RBFOX1: variants seen among roughly 807,000 people sequenced by gnomAD.
RBFOX1 encodes the protein RNA binding protein fox-1 homolog 1.
A neutral mutation model predicts 57.7 loss-of-function variants in RBFOX1; 8 were observed. That is an observed-to-expected ratio of 0.14 (90% CI 0.08 to 0.25). The LOEUF (loss-of-function observed/expected upper bound fraction) is 0.25. RBFOX1 is among the 10% of genes least tolerant of loss of function. The probability of loss-of-function intolerance (pLI) is 1.00; values close to 1 mark genes in which losing one functional copy is unlikely to be tolerated. For synonymous variants in RBFOX1, 326 were observed against 222.4 expected, an observed-to-expected ratio of 1.47 and a Z score of -4.15; for missense variants, 611 against 548.5, an observed-to-expected ratio of 1.11 and a Z score of -1.14.
intron 4 of RBFOX1, among the ~76,000 whole-genome samples, chr16:5,911,883 C>T (rs556767915): frequency 7.2e-5 from 11 of 152,238 alleles, no homozygotes; most frequent in East Asian, 1.9e-4. Flanking sequence ...CCCTAAAGCC[C>T]GAACTCTGAA....
intron 1 of RBFOX1, among the ~76,000 whole-genome samples, chr16:6,236,160 A>T (rs1402208306): frequency 1.3e-5 from 2 of 152,192 alleles, no homozygotes; most frequent in African/African-American, 2.4e-5. Flanking sequence ...TCTAATAAAG[A>T]AGAGCAACAT....
chr16:6,576,903 C>T (rs2097446966), intron 2 of RBFOX1: 1 of 152,172 alleles, frequency 6.6e-6, no homozygotes, highest in African/African-American at 2.4e-5. Context: ...TTATGTTCCT[C>T]ATCCCCAGCA....
chr16:7,035,140 A>G (rs914460764), intron 3 of RBFOX1, among the ~76,000 whole-genome samples: 1 of 151,636 alleles, frequency 6.6e-6, no homozygotes, highest in Admixed American at 6.6e-5. Context: ...GAGCCGCTGC[A>G]CCGGGCCTCT....
chr16:7,421,571 C>G (rs1279523952), intron 4 of RBFOX1, among the ~76,000 whole-genome samples: 1 of 152,184 alleles, frequency 6.6e-6, no homozygotes, highest in Non-Finnish European at 1.5e-5. Flanking sequence ...CGTACCTAAC[C>G]TACAGTTTGA....
chr16:6,941,118 C>G (rs1054596838), intron 3 of RBFOX1, among the ~76,000 whole-genome samples: 3 of 151,968 alleles, frequency 2.0e-5, no homozygotes, highest in South Asian at 2.1e-4. Context: ...GTTGGAATTT[C>G]ATTTCAAGTC....
At chr16:5,434,689 AT>A (rs1361214764) in intron 1 of RBFOX1, among the ~76,000 whole-genome samples, 1 of 152,122 alleles carries the variant, frequency 6.6e-6, no homozygotes, top group Non-Finnish European at 1.5e-5. Context: ...TCTGTTTAAA[AT>A]CCTGCATCTC....
chr16:6,623,797 G>A (rs1010375713), intron 2 of RBFOX1, among the ~76,000 whole-genome samples: 1 of 152,146 alleles, frequency 6.6e-6, no homozygotes, highest in East Asian at 1.9e-4. Flanking sequence ...TGGCTGCATA[G>A]TATTCTATGG....
intron 4 of RBFOX1, among the ~76,000 whole-genome samples, chr16:5,998,110 C>T (rs929858334): frequency 2.0e-5 from 3 of 152,172 alleles, no homozygotes; most frequent in African/African-American, 4.8e-5. Context: ...AGTCCCTGTA[C>T]AGCAGAGTTT....
intron 3 of RBFOX1, among the ~76,000 whole-genome samples, chr16:5,680,901 G>A (rs375109660): frequency 0.011 from 1,739 of 152,192 alleles, 32 homozygotes; most frequent in African/African-American, 0.039. Flanking sequence ...ATTTGTGTGT[G>A]TGTGTGTGTG....
intron 3 of RBFOX1, among the ~76,000 whole-genome samples, chr16:5,840,082 C>A (rs763844551): frequency 1.3e-5 from 2 of 152,304 alleles, no homozygotes; most frequent in East Asian, 3.9e-4. Context: ...CATTTAGTAT[C>A]TAACTCATGA....
At chr16:7,446,316 G>C (rs1183142732) in intron 4 of RBFOX1, among the ~76,000 whole-genome samples, 2 of 152,174 alleles carry the variant, frequency 1.3e-5, no homozygotes, top group Non-Finnish European at 2.9e-5. Context: ...AATCTCAGGA[G>C]TCACTTTATC....
chr16:6,007,255 A>G (rs1007688445), intron 4 of RBFOX1, among the ~76,000 whole-genome samples: 7 of 152,216 alleles, frequency 4.6e-5, no homozygotes, highest in Admixed American at 3.3e-4. Flanking sequence ...AGACTGAGTC[A>G]TAAGAAGAAG....
chr16:6,315,099 C>T (rs1001379108), intron 1 of RBFOX1, among the ~76,000 whole-genome samples: 4 of 152,238 alleles, frequency 2.6e-5, no homozygotes, highest in African/African-American at 9.6e-5. Context: ...AAGCACAATG[C>T]TACTTGTTTT....
chr16:6,120,821 C>G (rs2096543526), intron 1 of RBFOX1, among the ~76,000 whole-genome samples: 1 of 152,154 alleles, frequency 6.6e-6, no homozygotes, highest in Non-Finnish European at 1.5e-5. Flanking sequence ...ACATTCACTG[C>G]AGCCCCTCAC....
chr16:6,732,973 C>G (rs1264488912), intron 3 of RBFOX1, among the ~76,000 whole-genome samples: 1 of 152,104 alleles, frequency 6.6e-6, no homozygotes, highest in Non-Finnish European at 1.5e-5. Context: ...CATTTATTTG[C>G]AGAAGGAATT....
intron 4 of RBFOX1, among the ~76,000 whole-genome samples, chr16:7,106,968 T>TA (rs5815369): frequency 0.57 from 86,194 of 150,560 alleles, 24,747 homozygotes; most frequent in South Asian, 0.7. Flanking sequence ...CATTCCCATG[T>TA]AAGCCACACA....
At chr16:6,858,805 C>T (rs2058370054) in intron 3 of RBFOX1, among the ~76,000 whole-genome samples, 1 of 152,054 alleles carries the variant, frequency 6.6e-6, no homozygotes, top group African/African-American at 2.4e-5. Context: ...AGAGCAGTGG[C>T]ATTCGCCTCT....
chr16:6,811,383 G>A (rs1051069099), intron 3 of RBFOX1, among the ~76,000 whole-genome samples: 1 of 152,184 alleles, frequency 6.6e-6, no homozygotes, highest in Non-Finnish European at 1.5e-5. Flanking sequence ...AATGTGATTA[G>A]CTTTTAGCTA....
chr16:6,900,597 A>G (rs995679406), intron 3 of RBFOX1, among the ~76,000 whole-genome samples: 2 of 152,164 alleles, frequency 1.3e-5, no homozygotes, highest in Admixed American at 6.5e-5. Context: ...AGTTTTAGCA[A>G]TGTGCTGAGT....
Sources: gnomAD v4.1 joint callset for allele counts (sites outside exome capture counted in the v4.1 genomes callset) on GRCh38, gnomAD v4.1.1 for gene constraint, MANE v1.5 for transcripts, NCBI Gene and HGNC (gene_info 2026-07-23, HGNC 2026-07-21) for gene names.